GBP5: variants seen among roughly 807,000 people sequenced by gnomAD.
GBP5 encodes guanylate binding protein 5, also known as guanylate-binding protein 5.
GBP5 carries 48 observed loss-of-function variants against 58.2 expected under a neutral mutation model. That is an observed-to-expected ratio of 0.83 (90% CI 0.65 to 1.05). The LOEUF (loss-of-function observed/expected upper bound fraction) is 1.05, where lower values mean the gene tolerates loss of function less well. GBP5 is among the 50% of genes least tolerant of loss of function. The pLI is 0.00. For missense variants in GBP5, 714 were observed against 686.8 expected, an observed-to-expected ratio of 1.04 and a Z score of -0.44; for synonymous variants, 248 against 251.8, an observed-to-expected ratio of 0.98 and a Z score of 0.14.
intron 4 of GBP5, 100 bp downstream of exon 4, chr1:89,268,629 T>C: frequency 1.7e-6 from 2 of 1,209,924 alleles, no homozygotes; most frequent in Non-Finnish European, 2.4e-6. Context: ...GGGTATACAT[T>C]GGTCAAGTGG....
In GBP5 at chr1:89,260,554, C is replaced by T. The variant is rs1366082523; in HGVS notation, c.*150G>A. 3.7e-5 allele frequency: 21 copies of T among 574,174 alleles called. No individual in the cohort carries two copies. The highest frequency in any genetic ancestry group is 6.2e-5 in the Non-Finnish European group (20 of 323,196). 35.6% of individuals were successfully genotyped at this position (574,174 alleles called of 1,614,324 possible). A position where few individuals can be genotyped will look rare whatever the true frequency, so the allele number is the denominator to read the frequency against. ...CTGGGATGTACATTTTACCAGATAC[C>T]AGCATCATAATCTTATAACTCTATA... is the stretch of plus-strand genomic sequence containing the variant. On this transcript the variant is annotated 3_prime_UTR_variant, in exon 12 of 12. Coordinates refer to ENST00000370459, the MANE Select transcript of GBP5 (RefSeq NM_052942.5).
rs1409211076 is a variant in GBP5, at chr1:89,257,389, C to T, written c.*3315G>A. 2.0e-5 allele frequency among the ~76,000 whole-genome samples: 3 copies of T among 152,170 alleles called. No individual in the cohort carries two copies. Among genetic ancestry groups the T allele is most frequent in the African/African-American group, 7.2e-5 (3 of 41,434 alleles). On this transcript the variant is annotated 3_prime_UTR_variant, in exon 12 of 12. Transcript: ENST00000370459. The stretch of plus-strand genomic sequence containing the variant: ...ACCTCCCACCTGGTCCCTCCCACAA[C>T]ACGTGGGCATTATGGGAGCCATAAT...
chr1:89,260,632 G>C lies in GBP5; in HGVS notation c.*72C>G, dbSNP rs1326211915. ...TTTATTTAAATGTTGATTGTCCCAA[G>C]GTCTACAGTTTCTTTTCTGTTGTGT... On this transcript the variant is annotated 3_prime_UTR_variant, in exon 12 of 12. Coordinates refer to ENST00000370459, the MANE Select transcript of GBP5 (RefSeq NM_052942.5). 2 of 866,432 alleles carry C rather than the reference G, an allele frequency of 2.3e-6. No homozygotes were observed. The highest frequency in any genetic ancestry group is 2.4e-5 in the East Asian group (1 of 41,286). 53.7% of individuals were successfully genotyped at this position (866,432 alleles called of 1,614,324 possible).
At chr1:89,269,277 T>C in intron 3 of GBP5, 89 bp downstream of exon 3, 2 of 1,278,872 alleles carry the variant, frequency 1.6e-6, no homozygotes, top group South Asian at 2.7e-5. Flanking sequence ...TTCATCCTCA[T>C]GTCTTACTCT....
chr1:89,269,546 C>G lies in GBP5; in HGVS notation c.10G>C (p.Glu4Gln), dbSNP rs17130763. 4,072 of 1,612,480 alleles carry G rather than the reference C, an allele frequency of 2.5e-3. 84 individuals are homozygous for G. The African/African-American group carries it at 0.049, about 19-fold the overall frequency. MAL[E>Q]IHMSDPMCLI... ...CACATGGGGTCTGACATGTGGATCTCTAAAGCCATGTCTAGGATGTTACTT... is the reference window on the plus strand; with the variant it reads ...CACATGGGGTCTGACATGTGGATCTGTAAAGCCATGTCTAGGATGTTACTT... The change falls in exon 3 of 12, where the codon GAG becomes CAG. Residue 4 changes from glutamate to glutamine, a missense_variant. Glu to Gln is a conservative substitution (Grantham distance 29, BLOSUM62 2). Transcript: ENST00000370459.
chr1:89,262,901 A>G (rs1451250186), intron 9 of GBP5, 116 bp from the exon 10 acceptor site: 7 of 639,928 alleles, frequency 1.1e-5, no homozygotes, highest in Non-Finnish European at 1.8e-5. Context: ...GGCTTGCCAT[A>G]GGAGAGGCTC....
At chr1:89,262,436 T>C in intron 10 of GBP5, 35 bp from the exon 11 acceptor site, 3 of 1,569,286 alleles carry the variant, frequency 1.9e-6, no homozygotes, top group Non-Finnish European at 2.6e-6. Flanking sequence ...CTAGGATTAA[T>C]GTGCCTCTTC....
rs1649814764 is a variant in GBP5, at chr1:89,257,218, T to C, written c.*3486A>G. 6.6e-6 allele frequency among the ~76,000 whole-genome samples: 1 copy of C among 152,066 alleles called. No homozygotes were observed. On this transcript the variant is annotated 3_prime_UTR_variant, in exon 12 of 12. Coordinates refer to ENST00000370459, the MANE Select transcript of GBP5 (RefSeq NM_052942.5). ...GAGGCCTCACAACCACAGCAGAAGA[T>C]GAAAGAGGAACAAAGGCACATCTTA... is the stretch of plus-strand genomic sequence containing the variant.
intron 11 of GBP5, 55 bp from the exon 12 acceptor site, chr1:89,260,872 A>G (rs1649984709): frequency 8.0e-7 from 1 of 1,256,736 alleles, no homozygotes; most frequent in Admixed American, 1.7e-5. Context: ...TGCCTAAATC[A>G]CTCACTTGTC....
In GBP5 at chr1:89,260,718, A is replaced by G. The variant is rs1557499338; in HGVS notation, c.1747T>C (p.Cys583Arg). ...TATTTAGCACTTTAGAGTAAAACAC[A>G]TGGATCATCGTTATTAACAGTCCTC... ...AQRTVNNDDP[C>R]VLL Residue 583 changes from cysteine (C) to arginine (R), a missense_variant, in exon 12 of 12, where the codon TGT becomes CGT. Coordinates refer to ENST00000370459, the MANE Select transcript of GBP5 (RefSeq NM_052942.5). 9 of 1,611,694 alleles carry G rather than the reference A, an allele frequency of 5.6e-6. No homozygotes were observed. Among genetic ancestry groups the G allele is most frequent in the Admixed American group, 1.7e-5 (1 of 60,018 alleles).
rs766380344 is a variant in GBP5, at chr1:89,260,770, G to C, written c.1695C>G (p.Ser565Arg). The stretch of plus-strand genomic sequence containing the variant: ...GGGCGTGCTGGAGCTCACTGAGAAG[G>C]CTTCTATTTTGAGCTTGGAATGTTG... Reference protein sequence around the residue: ...LSTTFQAQNRSLLSELQHAQR... With the variant: ...LSTTFQAQNRRLLSELQHAQR... The change falls in exon 12 of 12, where the codon AGC becomes AGG. Residue 565 changes from serine (S) to arginine (R), a missense_variant. Transcript: ENST00000370459. 3.1e-6 allele frequency: 5 copies of C among 1,613,954 alleles called. No individual in the cohort carries two copies. The highest frequency in any genetic ancestry group is 4.2e-6 in the Non-Finnish European group (5 of 1,179,980).
rs1557498501 is a variant in GBP5, at chr1:89,259,666, C to T, written c.*1038G>A. Reference sequence around the variant, plus strand: ...GCTGCCCTGCAGCTTATTTTTCGTCCAAAAGGTCGCCCCCACCGCAAGTTC... The same window carrying T: ...GCTGCCCTGCAGCTTATTTTTCGTCTAAAAGGTCGCCCCCACCGCAAGTTC... On this transcript the variant is annotated 3_prime_UTR_variant, in exon 12 of 12. Transcript: ENST00000370459. The T allele has an allele frequency of 6.6e-6, 1 of 151,856 alleles. No homozygotes were observed. Among genetic ancestry groups the T allele is most frequent in the Non-Finnish European group, 1.5e-5 (1 of 68,026 alleles). 9.4% of individuals were successfully genotyped at this position (151,856 alleles called of 1,614,324 possible). A position where few individuals can be genotyped will look rare whatever the true frequency, so the allele number is the denominator to read the frequency against.
At chr1:89,269,017 A>C (rs1264560819) in intron 3 of GBP5, among the ~76,000 whole-genome samples, 161 bp from the exon 4 acceptor site, 1 of 152,230 alleles carries the variant, frequency 6.6e-6, no homozygotes, top group Admixed American at 6.5e-5. Context: ...AAACAATATC[A>C]AATACCATAG....
chr1:89,268,485 T>C (rs939542968), intron 4 of GBP5, among the ~76,000 whole-genome samples: 23 of 152,312 alleles, frequency 1.5e-4, no homozygotes, highest in African/African-American at 5.3e-4. Context: ...ATATGCATCA[T>C]GTTTATGCAT....
In GBP5 at chr1:89,262,219, C is replaced by G. The variant is rs1471680298; in HGVS notation, c.1647+1G>C. 3 of 1,613,620 alleles carry G rather than the reference C, an allele frequency of 1.9e-6. No individual in the cohort carries two copies. In the South Asian group the frequency reaches 3.3e-5, roughly 18 times the overall value. ...GGAGAGATGAAACAATTGATGAATA[C>G]CTGCATCTGTTGTTCCTGCATTTTC... is the stretch of plus-strand genomic sequence containing the variant. On this transcript the variant is annotated splice_donor_variant, in intron 11 of 11. Coordinates refer to ENST00000370459, the MANE Select transcript of GBP5 (RefSeq NM_052942.5). LOFTEE classifies it high-confidence loss of function.
rs947494062 is a variant in GBP5 at position 89,258,717 on chromosome 1, A to G, written c.*1987T>C. Among the ~76,000 whole-genome samples the G allele has an allele frequency of 1.3e-5, 2 of 152,198 alleles. No individual in the cohort carries two copies. Among genetic ancestry groups the G allele is most frequent in the African/African-American group, 4.8e-5 (2 of 41,472 alleles). ...ATATTACCTAAGTGGAAAATTCCTT[A>G]TATGAGTAAGTACTTATAAGGGAGA... On this transcript the variant is annotated 3_prime_UTR_variant, in exon 12 of 12. Coordinates refer to ENST00000370459, the MANE Select transcript of GBP5 (RefSeq NM_052942.5).
rs1649936611 is a variant in GBP5, at chr1:89,259,877, C to G, written c.*827G>C. 1 of 152,242 alleles carries G rather than the reference C, an allele frequency of 6.6e-6. No homozygotes were observed. Among genetic ancestry groups the G allele is most frequent in the Admixed American group, 6.5e-5 (1 of 15,288 alleles). The allele number at this position is 152,242 out of a possible 1,614,324, so 9.4% of individuals were successfully genotyped here. ...CAAAACCCCTGCAGACCTACTTATA[C>G]CCCTTAGCCTGTAAGCCCGGTGTCT... On this transcript the variant is annotated 3_prime_UTR_variant, in exon 12 of 12. Coordinates refer to ENST00000370459, the MANE Select transcript of GBP5 (RefSeq NM_052942.5).
intron 1 of GBP5, chr1:89,271,063 C>T (rs951107340): frequency 2.0e-5 from 3 of 152,194 alleles, no homozygotes; most frequent in African/African-American, 7.2e-5. Context: ...ATCTGGATAG[C>T]ATCTTTAATG....
intron 4 of GBP5, 40 bp from the exon 5 acceptor site, chr1:89,267,566 TC>T: frequency 8.2e-7 from 1 of 1,225,208 alleles, no homozygotes; most frequent in Non-Finnish European, 1.2e-6. Context: ...CTCATGGGAT[TC>T]CCAGATGAGC....
Sources: gnomAD v4.1 joint callset for allele counts (sites outside exome capture counted in the v4.1 genomes callset) on GRCh38, gnomAD v4.1.1 for gene constraint, MANE v1.5 for transcripts, NCBI Gene and HGNC (gene_info 2026-07-23, HGNC 2026-07-21) for gene names.